PAN3: variants seen among roughly 807,000 people sequenced by gnomAD.
PAN3 encodes the protein poly(A) specific ribonuclease subunit PAN3.
Under a neutral mutation model 96.2 loss-of-function variants are expected in PAN3, and 19 were observed. That is an observed-to-expected ratio of 0.20 (90% CI 0.14 to 0.29). The LOEUF (loss-of-function observed/expected upper bound fraction) is 0.29, where lower values mean the gene tolerates loss of function less well. Ranked by LOEUF, PAN3 falls within the 10% of genes least tolerant of loss-of-function variation. The probability of loss-of-function intolerance (pLI) is 1.00; values close to 1 mark genes in which losing one functional copy is unlikely to be tolerated. For synonymous variants in PAN3, 433 were observed against 406.6 expected, an observed-to-expected ratio of 1.06 and a Z score of -0.78; for missense variants, 882 against 1,108.1, an observed-to-expected ratio of 0.80 and a Z score of 2.90.
chr13:28,256,604 C>T (rs140335287), intron 7 of PAN3, 65 bp downstream of exon 7: 12 of 1,468,932 alleles, frequency 8.2e-6, no homozygotes, highest in African/African-American at 5.7e-5. Context: ...AGTTGTGAGG[C>T]GGTCTACCCC....
chr13:28,239,838 T>C, intron 6 of PAN3: 1 of 381,662 alleles, frequency 2.6e-6, no homozygotes, highest in South Asian at 2.3e-5. Flanking sequence ...ACTTCGTTTT[T>C]ATTTTATTGT....
rs75876448 is a variant in PAN3 at position 28,152,127 on chromosome 13, A to G, written c.430+13040A>G. Among the ~76,000 whole-genome samples the G allele has an allele frequency of 6.7e-3, 1,015 of 152,260 alleles. 8 individuals are homozygous for G. Among genetic ancestry groups the G allele is most frequent in the African/African-American group, 0.022 (894 of 41,542 alleles). On this transcript the variant is annotated intron_variant, in intron 1 of 18. Coordinates refer to ENST00000380958, the MANE Select transcript of PAN3 (RefSeq NM_175854.8). ...TCTACATATGTGCCAGTCATGCCAT[A>G]TATATATTTGCATACACTATCCCAT...
At chr13:28,202,687 T>A (rs1165655314) in intron 5 of PAN3, among the ~76,000 whole-genome samples, 1 of 151,750 alleles carries the variant, frequency 6.6e-6, no homozygotes, top group East Asian at 1.9e-4. Context: ...ACAATTTGTT[T>A]AACTTACTTT....
intron 6 of PAN3, among the ~76,000 whole-genome samples, chr13:28,253,902 A>T (rs1459932467): frequency 6.6e-6 from 1 of 152,178 alleles, no homozygotes; most frequent in Non-Finnish European, 1.5e-5. Context: ...TTGATACCCT[A>T]TAGTAAATTC....
At chr13:28,256,575 C>T (rs372928272) in intron 7 of PAN3, 36 bp downstream of exon 7, 5 of 1,576,908 alleles carry the variant, frequency 3.2e-6, no homozygotes, top group African/African-American at 1.4e-5. Context: ...TTAGTACTCT[C>T]TTGTAACAGG....
At chr13:28,213,825 A>T (rs1030490997) in intron 5 of PAN3, among the ~76,000 whole-genome samples, 2 of 152,194 alleles carry the variant, frequency 1.3e-5, no homozygotes, top group Non-Finnish European at 2.9e-5. Context: ...TTCAAAGAAG[A>T]TATAAAATGG....
chr13:28,286,230 G>A (rs1566261993), intron 17 of PAN3, among the ~76,000 whole-genome samples: 2 of 152,194 alleles, frequency 1.3e-5, no homozygotes, highest in East Asian at 3.8e-4. Flanking sequence ...GTATAAGCCT[G>A]ACAGCCAGGG....
Position 28,270,730 on chromosome 13 carries a change from C to T in PAN3, c.1822C>T (p.His608Tyr), listed in dbSNP as rs1886547990. The change falls in exon 13 of 19, where the codon CAT becomes TAT. Residue 608 changes from histidine (H) to tyrosine (Y), a missense_variant. This residue lies in a region of PAN3 where 364 missense variants were observed against 513.6 expected (regional missense o/e 0.71). Transcript: ENST00000380958. Reference sequence around the variant, plus strand: ...GCACGAGGGACCATTGCCCAGGCAGCATGCTGGATTATTGCCAGAATCTCT... The same window carrying T: ...GCACGAGGGACCATTGCCCAGGCAGTATGCTGGATTATTGCCAGAATCTCT... ...GQHEGPLPRQ[H>Y]AGLLPESLIW... 6.2e-7 allele frequency: 1 copy of T among 1,613,782 alleles called. No individual in the cohort carries two copies. The highest frequency in any genetic ancestry group is 8.5e-7 in the Non-Finnish European group (1 of 1,179,828).
chr13:28,257,034 C>T (rs1885204216), intron 7 of PAN3, among the ~76,000 whole-genome samples: 1 of 152,042 alleles, frequency 6.6e-6, no homozygotes, highest in South Asian at 2.1e-4. Context: ...TGCAGTATGG[C>T]TCTTATGCTC....
intron 1 of PAN3, 47 bp downstream of exon 1, chr13:28,139,134 C>T: frequency 2.4e-6 from 3 of 1,268,486 alleles, no homozygotes; most frequent in Non-Finnish European, 3.0e-6. Context: ...GAGGGCAGGC[C>T]TGGGCCGGAT....
At chr13:28,202,402 TAATTTTTGTC>T (rs1406572576) in intron 5 of PAN3, among the ~76,000 whole-genome samples, 1 of 152,226 alleles carries the variant, frequency 6.6e-6, no homozygotes, top group Non-Finnish European at 1.5e-5. Context: ...AGCTTCTGAA[TAATTTTTGTC>T]AATTTTTTTT....
intron 6 of PAN3, among the ~76,000 whole-genome samples, chr13:28,253,878 T>G (rs1884935750): frequency 6.6e-6 from 1 of 152,196 alleles, no homozygotes. Flanking sequence ...AATTTAGAAT[T>G]CTTAAGAGAA....
At chr13:28,230,066 C>A (rs200208158) in intron 6 of PAN3, among the ~76,000 whole-genome samples, 1 of 141,872 alleles carries the variant, frequency 7.0e-6, no homozygotes, top group Non-Finnish European at 1.5e-5. Context: ...TTTTTTTTTT[C>A]TTTTTTTTTA....
At chr13:28,215,183 C>A in intron 5 of PAN3, 1 of 712,808 alleles carries the variant, frequency 1.4e-6, no homozygotes. Flanking sequence ...ATGGCAGCAC[C>A]AGTGGAACCA....
chr13:28,283,713 C>G (rs543790378), intron 17 of PAN3, among the ~76,000 whole-genome samples: 1 of 152,208 alleles, frequency 6.6e-6, no homozygotes, highest in East Asian at 1.9e-4. Flanking sequence ...TCATAACAAC[C>G]CTATGATGGA....
chr13:28,209,912 C>G (rs992164903), intron 5 of PAN3, among the ~76,000 whole-genome samples: 3 of 151,778 alleles, frequency 2.0e-5, no homozygotes, highest in African/African-American at 7.3e-5. Context: ...TCCAGAGTAG[C>G]TGGGACTACA....
intron 2 of PAN3, among the ~76,000 whole-genome samples, chr13:28,176,082 G>A (rs1874940861): frequency 6.6e-6 from 1 of 152,272 alleles, no homozygotes; most frequent in Middle Eastern, 3.4e-3. Flanking sequence ...AATTTTATAA[G>A]CTCTATAAGG....
At position 28,292,528 on chromosome 13, in the gene PAN3, G is replaced by C. The variant is rs1328553938; in HGVS notation, c.*6G>C. 9.4e-6 allele frequency: 15 copies of C among 1,601,510 alleles called. No homozygotes were observed. The highest frequency in any genetic ancestry group is 1.3e-5 in the Non-Finnish European group (15 of 1,175,338). On this transcript the variant is annotated 3_prime_UTR_variant, in exon 19 of 19. Coordinates refer to ENST00000380958, the MANE Select transcript of PAN3 (RefSeq NM_175854.8). ...CTGCAAATGGTCAGTTGTAGTATTT[G>C]CTAAAAAAGCACGCAGGACATGGCT...
At chr13:28,262,730 C>T (rs957730211) in intron 9 of PAN3, among the ~76,000 whole-genome samples, 1 of 152,106 alleles carries the variant, frequency 6.6e-6, no homozygotes, top group East Asian at 1.9e-4. Context: ...TAGAAAATGG[C>T]TGGATGTAAG....
Sources: allele counts gnomAD v4.1 joint callset (sites outside exome capture counted in the v4.1 genomes callset), GRCh38; gene constraint gnomAD v4.1.1; regional missense constraint gnomAD v4.1.1; transcripts MANE v1.5; gene names NCBI Gene and HGNC (gene_info 2026-07-23, HGNC 2026-07-21).